GPHN: variants seen among roughly 807,000 people sequenced by gnomAD.
GPHN encodes gephyrin.
Under a neutral mutation model 95.5 loss-of-function variants are expected in GPHN, and 17 were observed. That is an observed-to-expected ratio of 0.18 (90% confidence interval 0.12 to 0.27). The LOEUF is 0.27. GPHN is among the 10% of genes least tolerant of loss of function. GPHN has a pLI of 1.00. For synonymous variants in GPHN, 320 were observed against 322.5 expected, an observed-to-expected ratio of 0.99 and a Z score of 0.08; for missense variants, 660 against 978.1, an observed-to-expected ratio of 0.67 and a Z score of 4.34.
the GPHN span, chr14:67,589,857 C>T: frequency 7.4e-6 from 9 of 1,213,682 alleles, no homozygotes; most frequent in South Asian, 2.9e-4. Flanking sequence ...GGTCTCCCCT[C>T]CTTTGGTAAA....
At chr14:66,811,442 T>C (rs1447270060) in intron 3 of GPHN, among the ~76,000 whole-genome samples, 4 of 152,142 alleles carry the variant, frequency 2.6e-5, no homozygotes, top group Non-Finnish European at 4.4e-5. Context: ...TTGTGATTTT[T>C]AAATTTCCTT....
the GPHN span, among the ~76,000 whole-genome samples, chr14:67,205,481 G>T: frequency 6.6e-6 from 1 of 152,094 alleles, no homozygotes; most frequent in Non-Finnish European, 1.5e-5. Context: ...TTAATTTCTG[G>T]TTTAAAAATA....
At chr14:67,504,545 T>C in the GPHN span, among the ~76,000 whole-genome samples, 43 of 152,142 alleles carry the variant, frequency 2.8e-4, no homozygotes, top group Admixed American at 9.2e-4. Context: ...GTGACAATGA[T>C]GGTTTTGATG....
chr14:66,999,106 CT>C (rs2072036657), intron 9 of GPHN, among the ~76,000 whole-genome samples: 1 of 151,820 alleles, frequency 6.6e-6, no homozygotes, highest in South Asian at 2.1e-4. Flanking sequence ...AGAAAATTGT[CT>C]TTTCTTAAAT....
intron 8 of GPHN, among the ~76,000 whole-genome samples, chr14:66,956,598 C>T (rs1044405558): frequency 1.3e-5 from 2 of 151,816 alleles, no homozygotes; most frequent in Non-Finnish European, 2.9e-5. Flanking sequence ...GAGATGGTAT[C>T]TCATTGTGGT....
chr14:67,032,775 G>A (rs1436712195), intron 10 of GPHN, among the ~76,000 whole-genome samples: 1 of 152,158 alleles, frequency 6.6e-6, no homozygotes, highest in African/African-American at 2.4e-5. Context: ...TGATTGGTGA[G>A]AGTGTCCCCT....
At chr14:66,977,722 G>A (rs2070355405) in intron 9 of GPHN, among the ~76,000 whole-genome samples, 2 of 152,316 alleles carry the variant, frequency 1.3e-5, no homozygotes, top group African/African-American at 4.8e-5. Context: ...ACAATACTGT[G>A]TAGGAATAGA....
At chr14:66,616,262 A>G (rs1321768354) in intron 1 of GPHN, among the ~76,000 whole-genome samples, 1 of 86,316 alleles carries the variant, frequency 1.2e-5, no homozygotes, top group Non-Finnish European at 1.8e-5. Flanking sequence ...TTTGATGGGA[A>G]TAACATTGAA....
At chr14:67,376,064 T>A in the GPHN span, among the ~76,000 whole-genome samples, 2 of 152,228 alleles carry the variant, frequency 1.3e-5, no homozygotes, top group African/African-American at 4.8e-5. Context: ...ATTTTTTTTA[T>A]CGTGATTCTC....
At chr14:67,224,034 A>C in the GPHN span, 192 of 949,786 alleles carry the variant, frequency 2.0e-4, no homozygotes, top group Middle Eastern at 1.1e-3. Flanking sequence ...TATTAAGCTC[A>C]TCTGATTCAC....
At chr14:67,575,718 GTCCATA>G in the GPHN span, 3 of 864,464 alleles carry the variant, frequency 3.5e-6, no homozygotes, top group Non-Finnish European at 5.5e-6. Context: ...CCTGTCATCG[GTCCATA>G]TCCACGATTC....
chr14:67,561,206 CAACCCTTGCTA>C, the GPHN span, among the ~76,000 whole-genome samples: 1 of 152,164 alleles, frequency 6.6e-6, no homozygotes, highest in Non-Finnish European at 1.5e-5. Flanking sequence ...CTCACAGTCC[CAACCCTTGCTA>C]AAAGATACTC....
At chr14:67,345,741 G>C in the GPHN span, 1 of 1,492,798 alleles carries the variant, frequency 6.7e-7, no homozygotes, top group Non-Finnish European at 9.3e-7. Flanking sequence ...CAAACTACAG[G>C]AGTTCTCCAG....
chr14:66,895,251 C>G (rs1187910168), intron 5 of GPHN, among the ~76,000 whole-genome samples: 1 of 152,048 alleles, frequency 6.6e-6, no homozygotes, highest in South Asian at 2.1e-4. Flanking sequence ...ATCAGACTAT[C>G]GCAAAAACAA....
intron 4 of GPHN, among the ~76,000 whole-genome samples, chr14:66,866,581 A>C (rs919869628): frequency 2.0e-4 from 30 of 152,180 alleles, no homozygotes; most frequent in Non-Finnish European, 4.4e-4. Flanking sequence ...TGTGATGCTA[A>C]CGAGTGTTCA....
intron 10 of GPHN, among the ~76,000 whole-genome samples, chr14:67,045,651 C>T (rs908148124): frequency 1.3e-5 from 2 of 151,224 alleles, no homozygotes; most frequent in African/African-American, 2.4e-5. Flanking sequence ...CTCTCTGCCT[C>T]TGTCTCTCTC....
chr14:66,581,804 G>A (rs978609659), intron 1 of GPHN, among the ~76,000 whole-genome samples: 1 of 151,856 alleles, frequency 6.6e-6, no homozygotes, highest in Non-Finnish European at 1.5e-5. Flanking sequence ...CACAGAAAAG[G>A]TCATATAATG....
the GPHN span, among the ~76,000 whole-genome samples, chr14:67,536,362 G>A: frequency 6.6e-6 from 1 of 151,874 alleles, no homozygotes; most frequent in Non-Finnish European, 1.5e-5. Flanking sequence ...CAATTGACAA[G>A]TAGTCAGCCA....
At chr14:67,323,255 G>GTATA in the GPHN span, among the ~76,000 whole-genome samples, 1 of 133,908 alleles carries the variant, frequency 7.5e-6, no homozygotes, top group Non-Finnish European at 1.5e-5. Context: ...GTGTGTGTGT[G>GTATA]TGTGTGTATA....
Sources: allele counts gnomAD v4.1 joint callset (sites outside exome capture counted in the v4.1 genomes callset), GRCh38; gene constraint gnomAD v4.1.1; transcripts MANE v1.5; gene names NCBI Gene and HGNC (gene_info 2026-07-23, HGNC 2026-07-21).